The following ACOXL variants were observed in gnomAD, a reference collection of about 807,000 sequenced individuals.
ACOXL encodes acyl-CoA oxidase like.
ACOXL carries 70 observed loss-of-function variants against 71.9 expected under a neutral mutation model. The observed-to-expected ratio is 0.97, with a 90% CI of 0.80 to 1.19. The LOEUF is 1.19. Among genes scored for constraint, ACOXL ranks in the 50% most tolerant of loss-of-function variants. The probability of loss-of-function intolerance (pLI) is 0.00; values close to 1 mark genes in which losing one functional copy is unlikely to be tolerated. For missense variants in ACOXL, 703 were observed against 736.3 expected (o/e 0.95, Z 0.52); for synonymous variants, 253 against 281.6 (o/e 0.90, Z 1.02).
At chr2:110,886,108 T>C (rs1182143422) in intron 10 of ACOXL, among the ~76,000 whole-genome samples, 4 of 152,264 alleles carry the variant, frequency 2.6e-5, no homozygotes, top group African/African-American at 9.6e-5. Flanking sequence ...TATATATACA[T>C]GCACGTGCTT....
At chr2:111,017,684 G>C (rs892570109) in intron 14 of ACOXL, among the ~76,000 whole-genome samples, 1 of 152,168 alleles carries the variant, frequency 6.6e-6, no homozygotes, top group African/African-American at 2.4e-5. Flanking sequence ...TGCCAGCTTC[G>C]TGGCTTAGCG....
chr2:110,871,006 G>A (rs1034229282), intron 10 of ACOXL, among the ~76,000 whole-genome samples: 6 of 152,174 alleles, frequency 3.9e-5, no homozygotes, highest in Non-Finnish European at 5.9e-5. Flanking sequence ...TATTTACTGC[G>A]TGGGACCCAT....
At chr2:110,904,885 C>A (rs926342512) in intron 10 of ACOXL, among the ~76,000 whole-genome samples, 5 of 152,060 alleles carry the variant, frequency 3.3e-5, no homozygotes, top group African/African-American at 1.2e-4. Flanking sequence ...CTAGGTTAGG[C>A]CCTGAGTGGA....
At chr2:111,041,952 G>A (rs780307680) in intron 15 of ACOXL, among the ~76,000 whole-genome samples, 5 of 152,190 alleles carry the variant, frequency 3.3e-5, no homozygotes, top group Admixed American at 6.5e-5. Context: ...TGAATGTCTC[G>A]GGTTTGCAAT....
intron 10 of ACOXL, among the ~76,000 whole-genome samples, chr2:110,879,043 C>T (rs1378981436): frequency 2.1e-5 from 3 of 142,592 alleles, no homozygotes; most frequent in Admixed American, 7.2e-5. Context: ...GGCGACAGGG[C>T]GAGGCTCCGT....
intron 1 of ACOXL, among the ~76,000 whole-genome samples, chr2:110,754,721 T>C (rs1679444370): frequency 6.6e-6 from 1 of 152,262 alleles, no homozygotes; most frequent in Non-Finnish European, 1.5e-5. Flanking sequence ...ACAGTTTGTT[T>C]ATCCATTTGC....
intron 10 of ACOXL, among the ~76,000 whole-genome samples, chr2:110,864,970 C>T (rs1694381968): frequency 6.6e-6 from 1 of 152,142 alleles, no homozygotes; most frequent in South Asian, 2.1e-4. Flanking sequence ...CAGGTGGGGA[C>T]CCGGGACAGT....
intron 9 of ACOXL, among the ~76,000 whole-genome samples, chr2:110,807,736 C>T (rs911896663): frequency 6.6e-6 from 1 of 152,100 alleles, no homozygotes; most frequent in Non-Finnish European, 1.5e-5. Context: ...TCTCACCGGC[C>T]CTCTTGGCAG....
chr2:110,831,338 G>A (rs568704295), intron 9 of ACOXL, among the ~76,000 whole-genome samples: 1 of 152,256 alleles, frequency 6.6e-6, no homozygotes, highest in South Asian at 2.1e-4. Flanking sequence ...CCAAATATTA[G>A]CAATGAACAC....
At chr2:110,944,742 A>G (rs182208457) in intron 12 of ACOXL, among the ~76,000 whole-genome samples, 5 of 152,304 alleles carry the variant, frequency 3.3e-5, no homozygotes, top group African/African-American at 1.2e-4. Flanking sequence ...TATCCAGTCT[A>G]TTATTGATGG....
intron 1 of ACOXL, among the ~76,000 whole-genome samples, chr2:110,745,118 T>C (rs1357341736): frequency 6.6e-6 from 1 of 152,200 alleles, no homozygotes; most frequent in Non-Finnish European, 1.5e-5. Context: ...CCTGTTTCAG[T>C]TGCAGAGTCA....
chr2:111,073,159 C>T (rs1271844693), intron 16 of ACOXL, among the ~76,000 whole-genome samples: 2 of 152,150 alleles, frequency 1.3e-5, no homozygotes, highest in Non-Finnish European at 2.9e-5. Flanking sequence ...TACAAATTCT[C>T]TTTTGGATAT....
At chr2:110,942,528 C>T (rs987615468) in intron 12 of ACOXL, among the ~76,000 whole-genome samples, 11 of 152,066 alleles carry the variant, frequency 7.2e-5, no homozygotes, top group African/African-American at 1.2e-4. Flanking sequence ...CAATTCTAAA[C>T]GGTTAGGCAC....
chr2:111,056,788 C>CAAAAA lies in ACOXL; in HGVS notation c.1440+7516_1440+7520dup, dbSNP rs34865595. Among the ~76,000 whole-genome samples, 237 of 101,950 alleles carry CAAAAA rather than the reference C, an allele frequency of 2.3e-3. 2 individuals are homozygous for CAAAAA. The highest frequency in any genetic ancestry group is 3.5e-3 in the Non-Finnish European group (180 of 51,538). The allele number at this position is 101,950 out of a possible 152,430, so 66.9% of individuals were successfully genotyped here. On this transcript the variant is annotated intron_variant, in intron 16 of 17. Transcript: ENST00000439055. ...GGGTGACAGAGCAAGACTCTGTCTC[C>CAAAAA]AAAAAAAAAAAAAAAAAAAATTTCA...
At chr2:110,991,205 G>A (rs2063157372) in intron 13 of ACOXL, among the ~76,000 whole-genome samples, 1 of 152,070 alleles carries the variant, frequency 6.6e-6, no homozygotes, top group Non-Finnish European at 1.5e-5. Flanking sequence ...GTTTTTATGT[G>A]TACTATTCTA....
chr2:110,849,261 A>C (rs943576100), intron 10 of ACOXL, among the ~76,000 whole-genome samples: 4 of 152,120 alleles, frequency 2.6e-5, no homozygotes, highest in African/African-American at 9.7e-5. Flanking sequence ...CCATTTAACA[A>C]AGCCCTACTG....
At chr2:110,968,933 A>G (rs1397778323) in intron 12 of ACOXL, among the ~76,000 whole-genome samples, 2 of 152,166 alleles carry the variant, frequency 1.3e-5, no homozygotes, top group East Asian at 1.9e-4. Context: ...TTAAAATAAA[A>G]CTCAGCAAAT....
intron 1 of ACOXL, among the ~76,000 whole-genome samples, chr2:110,744,061 A>G (rs1480194629): frequency 6.6e-6 from 1 of 152,176 alleles, no homozygotes; most frequent in Non-Finnish European, 1.5e-5. Context: ...CCTGCCTCCT[A>G]GTTGTGCCCT....
chr2:110,970,193 A>C (rs927619102), intron 12 of ACOXL, among the ~76,000 whole-genome samples: 1 of 152,228 alleles, frequency 6.6e-6, no homozygotes, highest in African/African-American at 2.4e-5. Context: ...AAAAAGAATA[A>C]AGCTACATAC....
Sources: gnomAD v4.1 joint callset for allele counts (sites outside exome capture counted in the v4.1 genomes callset) on GRCh38, gnomAD v4.1.1 for gene constraint, MANE v1.5 for transcripts, NCBI Gene and HGNC (gene_info 2026-07-23, HGNC 2026-07-21) for gene names.